ADGRL3: variants seen among roughly 807,000 people sequenced by gnomAD.
ADGRL3 encodes the protein adhesion G protein-coupled receptor L3.
Under a neutral mutation model 153.5 loss-of-function variants are expected in ADGRL3, and 62 were observed. The ratio of observed to expected loss-of-function variants is 0.40; its 90% confidence interval spans 0.33 to 0.50. ADGRL3 has a LOEUF of 0.50. ADGRL3 is among the 20% of genes least tolerant of loss of function. The pLI is 0.47. For missense variants in ADGRL3, 1,641 were observed against 1,859.4 expected, an observed-to-expected ratio of 0.88 and a Z score of 2.16; for synonymous variants, 710 against 672.5, an observed-to-expected ratio of 1.06 and a Z score of -0.86.
chr4:62,009,080 C>T (rs1438848340), intron 21 of ADGRL3, among the ~76,000 whole-genome samples: 2 of 152,086 alleles, frequency 1.3e-5, no homozygotes, highest in Non-Finnish European at 1.5e-5. Context: ...TATAATCACA[C>T]TACTACGAAA....
chr4:61,865,499 T>A (rs2098391611), intron 9 of ADGRL3, among the ~76,000 whole-genome samples: 6 of 152,180 alleles, frequency 3.9e-5, no homozygotes, highest in Admixed American at 3.9e-4. Flanking sequence ...TTATTCTGAC[T>A]GTACCATATG....
intron 5 of ADGRL3, among the ~76,000 whole-genome samples, chr4:61,653,168 TCTCACA>T (rs1213999426): frequency 0.012 from 690 of 55,280 alleles, 6 homozygotes; most frequent in African/African-American, 0.033. Flanking sequence ...TCTCTCTCTC[TCTCACA>T]CACACACACA....
chr4:61,312,092 TAG>T, intron 1 of ADGRL3, among the ~76,000 whole-genome samples: 1 of 151,992 alleles, frequency 6.6e-6, no homozygotes, highest in African/African-American at 2.4e-5. Flanking sequence ...TGGAACAAAA[TAG>T]AGAGTCCAGA....
chr4:61,602,732 TC>T (rs1287845654), intron 5 of ADGRL3, among the ~76,000 whole-genome samples: 12 of 152,074 alleles, frequency 7.9e-5, no homozygotes, highest in Admixed American at 7.9e-4. Context: ...AAACTATCCA[TC>T]CCTTACTTCA....
chr4:61,368,586 A>G (rs1471869018), intron 1 of ADGRL3, among the ~76,000 whole-genome samples: 1 of 151,456 alleles, frequency 6.6e-6, no homozygotes, highest in Non-Finnish European at 1.5e-5. Context: ...CCATTGATCT[A>G]TATCTCTGTT....
chr4:62,058,409 ATAACT>A (rs1738204308), intron 25 of ADGRL3, among the ~76,000 whole-genome samples: 1 of 152,206 alleles, frequency 6.6e-6, no homozygotes, highest in Non-Finnish European at 1.5e-5. Flanking sequence ...AATGGATAAA[ATAACT>A]TTGATTTAAT....
At chr4:61,781,099 G>A (rs972244267) in intron 8 of ADGRL3, among the ~76,000 whole-genome samples, 27 of 152,134 alleles carry the variant, frequency 1.8e-4, no homozygotes, top group Middle Eastern at 3.4e-3. Flanking sequence ...GGCTGAGGAG[G>A]GTGGATCACC....
chr4:61,315,098 A>G lies in ADGRL3; in HGVS notation c.-239-68026A>G, dbSNP rs150719449. On this transcript the variant is annotated intron_variant, in intron 1 of 26. Coordinates refer to ENST00000683033, the MANE Select transcript of ADGRL3 (RefSeq NM_001387552.1). ...AAGGGACATGTAAGCTGAGATTTGA[A>G]GAATAAGAGATAGTGAAATTTGTAA... Among the ~76,000 whole-genome samples the G allele has an allele frequency of 2.3e-3, 356 of 152,312 alleles. 8 individuals are homozygous for G. In the East Asian group the frequency reaches 0.052, roughly 22 times the overall value.
chr4:61,364,218 A>T (rs1010019103), intron 1 of ADGRL3, among the ~76,000 whole-genome samples: 1 of 151,874 alleles, frequency 6.6e-6, no homozygotes, highest in African/African-American at 2.4e-5. Context: ...CTGTAGTCCC[A>T]GCTGCTCAGG....
intron 1 of ADGRL3, among the ~76,000 whole-genome samples, chr4:61,274,097 T>C (rs774322961): frequency 2.0e-5 from 3 of 152,154 alleles, no homozygotes; most frequent in Non-Finnish European, 4.4e-5. Flanking sequence ...TTAAAGTGCA[T>C]ATGTAGCAAT....
intron 2 of ADGRL3, among the ~76,000 whole-genome samples, chr4:61,425,097 C>T (rs2097260161): frequency 6.6e-6 from 1 of 152,146 alleles, no homozygotes; most frequent in Admixed American, 6.5e-5. Flanking sequence ...CCACTACACC[C>T]TTGGTGTGGT....
chr4:61,635,496 G>GGTAT (rs1426032856), intron 5 of ADGRL3, among the ~76,000 whole-genome samples: 1 of 152,042 alleles, frequency 6.6e-6, no homozygotes, highest in Non-Finnish European at 1.5e-5. Flanking sequence ...AGAGAGTTGA[G>GGTAT]GTATACCTCT....
At chr4:62,002,161 T>C (rs2099142671) in intron 21 of ADGRL3, among the ~76,000 whole-genome samples, 1 of 150,986 alleles carries the variant, frequency 6.6e-6, no homozygotes, top group Non-Finnish European at 1.5e-5. Context: ...AACTTAAATC[T>C]GATCATGCAA....
At chr4:61,341,807 C>A (rs2151147214) in intron 1 of ADGRL3, among the ~76,000 whole-genome samples, 1 of 152,086 alleles carries the variant, frequency 6.6e-6, no homozygotes, top group Non-Finnish European at 1.5e-5. Flanking sequence ...AACATAGCTG[C>A]AGCAGACAGC....
chr4:61,874,379 T>C (rs1450291029), intron 9 of ADGRL3, among the ~76,000 whole-genome samples: 1 of 152,164 alleles, frequency 6.6e-6, no homozygotes, highest in Non-Finnish European at 1.5e-5. Flanking sequence ...AAAATCTGCT[T>C]ACAAGATTAA....
chr4:61,369,110 C>G (rs1330940951), intron 1 of ADGRL3, among the ~76,000 whole-genome samples: 3 of 152,170 alleles, frequency 2.0e-5, no homozygotes, highest in Non-Finnish European at 2.9e-5. Context: ...AGTTGCTTAT[C>G]AGCTTAAGGA....
chr4:61,270,227 G>A (rs1389086208), intron 1 of ADGRL3, among the ~76,000 whole-genome samples: 1 of 151,622 alleles, frequency 6.6e-6, no homozygotes, highest in Non-Finnish European at 1.5e-5. Flanking sequence ...GAAATAAGAG[G>A]TACAGCTTTT....
At chr4:61,802,801 A>G (rs1179356471) in intron 8 of ADGRL3, among the ~76,000 whole-genome samples, 2 of 152,066 alleles carry the variant, frequency 1.3e-5, no homozygotes, top group African/African-American at 2.4e-5. Context: ...AAACTTCTAA[A>G]TCTACTCTAG....
At chr4:61,754,848 C>CGAGAA (rs2096802421) in intron 8 of ADGRL3, among the ~76,000 whole-genome samples, 1 of 152,042 alleles carries the variant, frequency 6.6e-6, no homozygotes, top group Non-Finnish European at 1.5e-5. Context: ...CAATTCCCAC[C>CGAGAA]TATGAGTGAG....
Sources: allele counts gnomAD v4.1 joint callset (sites outside exome capture counted in the v4.1 genomes callset), GRCh38; gene constraint gnomAD v4.1.1; transcripts MANE v1.5; gene names NCBI Gene and HGNC (gene_info 2026-07-23, HGNC 2026-07-21).